EPB41L2: variants seen among roughly 807,000 people sequenced by gnomAD.
The protein encoded by EPB41L2 is erythrocyte membrane protein band 4.1 like 2.
Under a neutral mutation model 113.0 loss-of-function variants are expected in EPB41L2, and 43 were observed. The ratio of observed to expected loss-of-function variants is 0.38; its 90% CI spans 0.30 to 0.49. The LOEUF is 0.49. EPB41L2 is among the 20% of genes least tolerant of loss of function. The probability of loss-of-function intolerance (pLI) is 0.95; values close to 1 mark genes in which losing one functional copy is unlikely to be tolerated. For missense variants in EPB41L2, 1,147 were observed against 1,223.4 expected (o/e 0.94, Z 0.93); for synonymous variants, 442 against 436.7 (o/e 1.01, Z -0.15).
intron 19 of EPB41L2, among the ~76,000 whole-genome samples, chr6:130,847,107 G>A (rs924273731): frequency 1.3e-5 from 2 of 152,222 alleles, no homozygotes; most frequent in Non-Finnish European, 2.9e-5. Context: ...GTTTCCAGCT[G>A]TGCTGAGAAC....
intron 1 of EPB41L2, among the ~76,000 whole-genome samples, chr6:130,965,683 C>T (rs1001469842): frequency 2.7e-5 from 4 of 147,430 alleles, no homozygotes; most frequent in African/African-American, 9.9e-5. Flanking sequence ...ACACAAGTGG[C>T]ACATAAACAT....
At chr6:131,019,965 C>T (rs1789072319) in intron 1 of EPB41L2, among the ~76,000 whole-genome samples, 1 of 152,080 alleles carries the variant, frequency 6.6e-6, no homozygotes, top group African/African-American at 2.4e-5. Flanking sequence ...AGTCTAGGTC[C>T]AACAACCACT....
chr6:130,861,473 CATTTA>C (rs983444782), intron 18 of EPB41L2, among the ~76,000 whole-genome samples: 2 of 152,190 alleles, frequency 1.3e-5, no homozygotes, highest in Non-Finnish European at 2.9e-5. Context: ...GCGATTTCAT[CATTTA>C]ATTTAAAGTA....
At chr6:131,023,546 G>T (rs1790017388) in intron 1 of EPB41L2, among the ~76,000 whole-genome samples, 1 of 151,968 alleles carries the variant, frequency 6.6e-6, no homozygotes. Context: ...AGCCGGGCAT[G>T]GTGGTGCACA....
At chr6:130,977,028 G>T (rs1027079092) in intron 1 of EPB41L2, among the ~76,000 whole-genome samples, 1 of 152,074 alleles carries the variant, frequency 6.6e-6, no homozygotes, top group East Asian at 1.9e-4. Context: ...TCCTTTGGGT[G>T]GTCAAAGAAA....
At chr6:130,982,013 T>C (rs1340986369) in intron 1 of EPB41L2, among the ~76,000 whole-genome samples, 1 of 152,098 alleles carries the variant, frequency 6.6e-6, no homozygotes, top group Non-Finnish European at 1.5e-5. Context: ...TTTTAAAAGT[T>C]TTGATGATTA....
At chr6:130,988,726 T>C (rs1290318255) in intron 1 of EPB41L2, among the ~76,000 whole-genome samples, 1 of 152,166 alleles carries the variant, frequency 6.6e-6, no homozygotes, top group African/African-American at 2.4e-5. Context: ...GAAATCTCAG[T>C]GGTAAACTAA....
At chr6:131,019,998 G>A (rs1287530498) in intron 1 of EPB41L2, among the ~76,000 whole-genome samples, 1 of 152,046 alleles carries the variant, frequency 6.6e-6, no homozygotes, top group Non-Finnish European at 1.5e-5. Flanking sequence ...AATAACCATG[G>A]AAACATGGTT....
chr6:130,869,823 G>C lies in EPB41L2; in HGVS notation c.2347C>G (p.Pro783Ala), dbSNP rs769512493. ...YEEEVEEEPR[P>A]AAKVVEREEA... ...TCCCTCTCTACTACCTTGGCTGCCG[G>C]GCGGGGTTCTTCCTCCACCTCTTCT... Residue 783 changes from proline (P) to alanine (A), a missense_variant, in exon 15 of 20, where the codon CCG becomes GCG. Transcript: ENST00000337057. 21 of 1,613,724 alleles carry C rather than the reference G, an allele frequency of 1.3e-5. No individual in the cohort carries two copies. In the African/African-American group the frequency reaches 2.5e-4, roughly 20 times the overall value.
At chr6:130,940,932 AGTGT>A (rs899957946) in intron 3 of EPB41L2, among the ~76,000 whole-genome samples, 1 of 152,112 alleles carries the variant, frequency 6.6e-6, no homozygotes, top group African/African-American at 2.4e-5. Flanking sequence ...TGTGGATATA[AGTGT>A]GTGTGTGTAT....
chr6:130,999,883 G>T (rs1783996956), intron 1 of EPB41L2, among the ~76,000 whole-genome samples: 1 of 152,134 alleles, frequency 6.6e-6, no homozygotes, highest in African/African-American at 2.4e-5. Flanking sequence ...CTGAGCAAAG[G>T]CAGAAACCTA....
intron 3 of EPB41L2, among the ~76,000 whole-genome samples, chr6:130,951,370 G>A (rs1357807468): frequency 7.4e-6 from 1 of 135,110 alleles, no homozygotes; most frequent in African/African-American, 2.9e-5. Flanking sequence ...TGTCGCCCAG[G>A]CTGAAGTACA....
chr6:130,930,503 T>C (rs1412986928), intron 3 of EPB41L2, among the ~76,000 whole-genome samples: 1 of 152,154 alleles, frequency 6.6e-6, no homozygotes, highest in Non-Finnish European at 1.5e-5. Flanking sequence ...TACAAAATAT[T>C]TCTGGTCCCA....
intron 1 of EPB41L2, among the ~76,000 whole-genome samples, chr6:131,040,109 TG>T (rs1794150441): frequency 6.6e-6 from 1 of 152,182 alleles, no homozygotes; most frequent in South Asian, 2.1e-4. Context: ...ACAATGTGAA[TG>T]GGTTTACCCC....
chr6:130,841,149 T>C (rs1183569159), intron 19 of EPB41L2, among the ~76,000 whole-genome samples: 1 of 147,948 alleles, frequency 6.8e-6, no homozygotes, highest in Non-Finnish European at 1.5e-5. Flanking sequence ...GTATAGTGAG[T>C]AGTAAATAAA....
At chr6:130,941,578 G>A (rs765664562) in intron 3 of EPB41L2, among the ~76,000 whole-genome samples, 5 of 152,134 alleles carry the variant, frequency 3.3e-5, no homozygotes, top group East Asian at 1.9e-4. Context: ...TCTGTGCTAC[G>A]GAAGAATAGC....
chr6:130,938,867 T>C (rs1390333647), intron 3 of EPB41L2, among the ~76,000 whole-genome samples: 1 of 152,202 alleles, frequency 6.6e-6, no homozygotes, highest in Non-Finnish European at 1.5e-5. Context: ...TAGCTGCTTA[T>C]CTGCTAGATT....
intron 3 of EPB41L2, among the ~76,000 whole-genome samples, chr6:130,931,474 A>G (rs969755793): frequency 1.3e-5 from 2 of 152,186 alleles, no homozygotes; most frequent in Admixed American, 6.5e-5. Context: ...GGCAAACAAA[A>G]TAAGTAGTAC....
At position 130,934,020 on chromosome 6, in the gene EPB41L2, C is replaced by T. The variant is rs571457087; in HGVS notation, c.706-7311G>A. Among the ~76,000 whole-genome samples the T allele has an allele frequency of 2.3e-4, 35 of 152,268 alleles. 1 individual carries two copies. The South Asian group carries it at 7.3e-3, about 32-fold the overall frequency. ...GAAGCTATGTATTTTGCACTAGCTC[C>T]AAACAACACTATGCAAATATAAAAG... On this transcript the variant is annotated intron_variant, in intron 3 of 19. Transcript: ENST00000337057.
Sources: gnomAD v4.1 joint callset for allele counts (sites outside exome capture counted in the v4.1 genomes callset) on GRCh38, gnomAD v4.1.1 for gene constraint, MANE v1.5 for transcripts, NCBI Gene and HGNC (gene_info 2026-07-23, HGNC 2026-07-21) for gene names.